Variants in ITPR1 observed in about 807,000 individuals in gnomAD.
ITPR1 encodes inositol 1,4,5-trisphosphate receptor type 1, also known as inositol 1,4,5-trisphosphate-gated calcium channel ITPR1.
In ITPR1, 96 loss-of-function variants were observed where a neutral mutation model predicts 318.4. The observed-to-expected ratio is 0.30, with a 90% confidence interval of 0.26 to 0.36. The LOEUF (loss-of-function observed/expected upper bound fraction) is 0.36, where lower values mean the gene tolerates loss of function less well. Ranked by LOEUF, ITPR1 falls within the 10% of genes least tolerant of loss-of-function variation. ITPR1 has a pLI of 1.00. For missense variants in ITPR1, 2,440 were observed against 3,460.2 expected (o/e 0.71, Z 7.40); for synonymous variants, 1,312 against 1,289.9 (o/e 1.02, Z -0.37).
intron 4 of ITPR1, among the ~76,000 whole-genome samples, chr3:4,544,640 A>G (rs1310898265): frequency 1.3e-5 from 2 of 152,212 alleles, no homozygotes; most frequent in Admixed American, 6.5e-5. Context: ...CAAGTTTGGG[A>G]GGGATCCTCT....
At position 4,669,733 on chromosome 3, in the gene ITPR1, G is replaced by A; in HGVS notation, c.1966G>A (p.Val656Met). The A allele has an allele frequency of 1.2e-6, 2 of 1,613,338 alleles. No homozygotes were observed. Among genetic ancestry groups the A allele is most frequent in the Non-Finnish European group, 1.7e-6 (2 of 1,179,476 alleles). The change falls in exon 19 of 62, where the codon GTG becomes ATG. Residue 656 changes from valine to methionine, a missense_variant. Transcript: ENST00000649015. The part of the protein sequence containing the change: ...PVTQELICKA[V>M]LNPTNADILI... Reference sequence around the variant, plus strand: ...GACCCAGGAACTGATATGTAAAGCTGTGCTGAACCCCACCAACGCTGACAT... The same window carrying A: ...GACCCAGGAACTGATATGTAAAGCTATGCTGAACCCCACCAACGCTGACAT...
chr3:4,554,520 A>G (rs963864398), intron 4 of ITPR1, among the ~76,000 whole-genome samples: 2 of 152,040 alleles, frequency 1.3e-5, no homozygotes, highest in African/African-American at 4.8e-5. Context: ...CTGGGGACCT[A>G]CGGTGGTGAG....
intron 48 of ITPR1, among the ~76,000 whole-genome samples, chr3:4,778,001 C>T (rs1457484896): frequency 1.3e-5 from 2 of 152,144 alleles, no homozygotes; most frequent in African/African-American, 2.4e-5. Context: ...TGTGGAAGCC[C>T]CACTGACATT....
At chr3:4,518,114 C>A (rs1287920403) in intron 3 of ITPR1, among the ~76,000 whole-genome samples, 1 of 152,178 alleles carries the variant, frequency 6.6e-6, no homozygotes, top group Non-Finnish European at 1.5e-5. Flanking sequence ...TTGCTCTCTG[C>A]AGGCCAGCTT....
chr3:4,581,169 C>G (rs1444325915), intron 4 of ITPR1, among the ~76,000 whole-genome samples: 1 of 152,212 alleles, frequency 6.6e-6, no homozygotes, highest in Non-Finnish European at 1.5e-5. Flanking sequence ...ACCCCGACAG[C>G]CCAGCCACCT....
chr3:4,532,317 T>A (rs1010660533), intron 4 of ITPR1, among the ~76,000 whole-genome samples: 1 of 152,076 alleles, frequency 6.6e-6, no homozygotes, highest in Non-Finnish European at 1.5e-5. Flanking sequence ...TAGATTCTAA[T>A]TAGGTAGTCT....
At chr3:4,542,609 C>T (rs563239305) in intron 4 of ITPR1, among the ~76,000 whole-genome samples, 2 of 148,168 alleles carry the variant, frequency 1.3e-5, no homozygotes, top group South Asian at 4.4e-4. Flanking sequence ...AACAAGTTAC[C>T]TTGCCTTCCT....
intron 5 of ITPR1, among the ~76,000 whole-genome samples, chr3:4,630,313 A>G (rs1485458834): frequency 6.6e-6 from 1 of 152,158 alleles, no homozygotes; most frequent in Non-Finnish European, 1.5e-5. Flanking sequence ...AAAGGGCTTC[A>G]AGCATAATCA....
intron 60 of ITPR1, among the ~76,000 whole-genome samples, chr3:4,834,988 G>A (rs56092942): frequency 0.15 from 23,579 of 152,144 alleles, 2,047 homozygotes; most frequent in African/African-American, 0.22. Flanking sequence ...GCATGCAGAA[G>A]AAGAGTTGCA....
At chr3:4,550,099 C>A (rs1054753738) in intron 4 of ITPR1, among the ~76,000 whole-genome samples, 1 of 151,798 alleles carries the variant, frequency 6.6e-6, no homozygotes, top group Non-Finnish European at 1.5e-5. Flanking sequence ...TTTTAACATT[C>A]CCCTGTCATT....
chr3:4,563,245 C>T (rs1039817359), intron 4 of ITPR1, among the ~76,000 whole-genome samples: 1 of 152,150 alleles, frequency 6.6e-6, no homozygotes, highest in African/African-American at 2.4e-5. Flanking sequence ...CTGGGTGTCA[C>T]ACCTGTAATC....
At chr3:4,600,493 T>TGC (rs1470551522) in intron 4 of ITPR1, among the ~76,000 whole-genome samples, 4 of 151,734 alleles carry the variant, frequency 2.6e-5, no homozygotes, top group Non-Finnish European at 5.9e-5. Flanking sequence ...TTTGTGTGTG[T>TGC]GTGTGTGCGT....
At chr3:4,845,734 T>G (rs1337762129) in intron 61 of ITPR1, among the ~76,000 whole-genome samples, 2 of 152,128 alleles carry the variant, frequency 1.3e-5, no homozygotes, top group African/African-American at 4.8e-5. Flanking sequence ...ACACGAACCC[T>G]CCCTCTCAAA....
intron 4 of ITPR1, among the ~76,000 whole-genome samples, chr3:4,548,490 C>T (rs2085245972): frequency 6.6e-6 from 1 of 152,174 alleles, no homozygotes; most frequent in South Asian, 2.1e-4. Flanking sequence ...TGTTTAATTT[C>T]TGTCATGCAG....
At chr3:4,608,821 G>C (rs1171841772) in intron 4 of ITPR1, among the ~76,000 whole-genome samples, 3 of 151,424 alleles carry the variant, frequency 2.0e-5, no homozygotes, top group African/African-American at 7.3e-5. Context: ...GGCCAATGTG[G>C]TGAAACCTCA....
intron 30 of ITPR1, 65 bp from the exon 31 acceptor site, chr3:4,688,430 G>T (rs2094431632): frequency 2.5e-6 from 4 of 1,591,402 alleles, no homozygotes; most frequent in Middle Eastern, 1.7e-4. Context: ...AGGAGGTGTT[G>T]GGTATAGGAG....
chr3:4,510,227 GA>G (rs1199190826), intron 2 of ITPR1, among the ~76,000 whole-genome samples: 3 of 151,806 alleles, frequency 2.0e-5, no homozygotes, highest in Non-Finnish European at 2.9e-5. Flanking sequence ...GGGGGCCCTG[GA>G]AAAAAAATCA....
intron 24 of ITPR1, among the ~76,000 whole-genome samples, chr3:4,678,406 A>T (rs2094227616): frequency 6.6e-6 from 1 of 152,192 alleles, no homozygotes; most frequent in Non-Finnish European, 1.5e-5. Flanking sequence ...GAAACGACGC[A>T]GTGCAAAACT....
intron 4 of ITPR1, among the ~76,000 whole-genome samples, chr3:4,544,817 AG>A (rs1202267973): frequency 6.6e-6 from 1 of 152,192 alleles, no homozygotes; most frequent in Non-Finnish European, 1.5e-5. Context: ...TTTTTTAGAC[AG>A]GGTCTTACTC....
Sources: gnomAD v4.1 joint callset for allele counts (sites outside exome capture counted in the v4.1 genomes callset) on GRCh38, gnomAD v4.1.1 for gene constraint, MANE v1.5 for transcripts, NCBI Gene and HGNC (gene_info 2026-07-23, HGNC 2026-07-21) for gene names.